SLC14A2: variants seen among roughly 807,000 people sequenced by gnomAD.
SLC14A2 encodes the protein solute carrier family 14 member 2, also known as urea transporter 2.
SLC14A2 carries 91 observed loss-of-function variants against 104.6 expected under a neutral mutation model. The observed-to-expected ratio is 0.87, with a 90% CI of 0.73 to 1.04. The LOEUF is 1.04. Ranked by LOEUF, SLC14A2 falls within the 50% of genes least tolerant of loss-of-function variation. The pLI, the probability that SLC14A2 is intolerant of heterozygous loss-of-function variation, is 0.00. For synonymous variants in SLC14A2, 476 were observed against 466.4 expected (o/e 1.02, Z -0.27); for missense variants, 1,189 against 1,156.0 (o/e 1.03, Z -0.41).
intron 2 of SLC14A2, among the ~76,000 whole-genome samples, chr18:45,512,778 G>A (rs1038846148): frequency 1.3e-5 from 2 of 152,192 alleles, no homozygotes; most frequent in Non-Finnish European, 2.9e-5. Context: ...ATCTGTCTTA[G>A]AGGATGAGAT....
chr18:45,404,094 A>G (rs1312915074), intron 1 of SLC14A2, among the ~76,000 whole-genome samples: 2 of 152,184 alleles, frequency 1.3e-5, no homozygotes, highest in Admixed American at 1.3e-4. Context: ...TTAAAACTCT[A>G]TTACCTCTTC....
chr18:45,681,562 C>T (rs2046309180), intron 19 of SLC14A2, among the ~76,000 whole-genome samples: 1 of 152,170 alleles, frequency 6.6e-6, no homozygotes, highest in Non-Finnish European at 1.5e-5. Context: ...AGAAAAAGAG[C>T]TGGAGATTGG....
chr18:45,503,639 T>C (rs540958639), intron 2 of SLC14A2, among the ~76,000 whole-genome samples: 1 of 152,306 alleles, frequency 6.6e-6, no homozygotes, highest in South Asian at 2.1e-4. Context: ...CTCCACGTAC[T>C]CTTTCTTGGC....
intron 10 of SLC14A2, among the ~76,000 whole-genome samples, chr18:45,658,903 C>A (rs933380320): frequency 1.7e-4 from 26 of 152,104 alleles, no homozygotes; most frequent in African/African-American, 6.0e-4. Flanking sequence ...CATAACTGTT[C>A]TTTCCTTCTC....
chr18:45,264,968 C>G (rs922601337), intron 1 of SLC14A2, among the ~76,000 whole-genome samples: 15 of 152,064 alleles, frequency 9.9e-5, no homozygotes, highest in Admixed American at 2.6e-4. Flanking sequence ...AGAGGGACAC[C>G]AGCAAAGTAG....
intron 1 of SLC14A2, among the ~76,000 whole-genome samples, chr18:45,427,930 C>T (rs1437574350): frequency 6.6e-6 from 1 of 152,200 alleles, no homozygotes; most frequent in Non-Finnish European, 1.5e-5. Flanking sequence ...ATTAAAATAA[C>T]TGCCCTGCCT....
chr18:45,550,934 C>T (rs2044047519), intron 2 of SLC14A2, among the ~76,000 whole-genome samples: 1 of 152,150 alleles, frequency 6.6e-6, no homozygotes, highest in African/African-American at 2.4e-5. Flanking sequence ...TGACTTATTC[C>T]TGCTGTAGTG....
At chr18:45,667,648 G>A (rs1468086709) in intron 13 of SLC14A2, among the ~76,000 whole-genome samples, 185 bp from the exon 14 acceptor site, 1 of 152,198 alleles carries the variant, frequency 6.6e-6, no homozygotes, top group Non-Finnish European at 1.5e-5. Context: ...GGTCTCAAGA[G>A]TTTTCTTGGC....
chr18:45,585,810 C>T (rs539576095), intron 2 of SLC14A2, among the ~76,000 whole-genome samples: 1 of 152,226 alleles, frequency 6.6e-6, no homozygotes, highest in Non-Finnish European at 1.5e-5. Context: ...CTCAGAGATG[C>T]TCTGATGGCC....
chr18:45,389,841 T>A (rs2543013), intron 1 of SLC14A2, among the ~76,000 whole-genome samples: 79,737 of 152,088 alleles, frequency 0.52, 25,362 homozygotes, highest in East Asian at 0.85. Flanking sequence ...AGTAAAAACG[T>A]TGACCCTGAA....
chr18:45,410,279 G>C (rs2086200566), intron 1 of SLC14A2, among the ~76,000 whole-genome samples: 1 of 152,214 alleles, frequency 6.6e-6, no homozygotes, highest in African/African-American at 2.4e-5. Context: ...ACCAGTACCA[G>C]TCTATGACCC....
At chr18:45,336,472 C>A (rs1436999600) in intron 1 of SLC14A2, among the ~76,000 whole-genome samples, 2 of 152,064 alleles carry the variant, frequency 1.3e-5, no homozygotes, top group Non-Finnish European at 2.9e-5. Context: ...TCCTAAGATG[C>A]TGATATTTAC....
At chr18:45,517,170 G>C (rs1598949886) in intron 2 of SLC14A2, among the ~76,000 whole-genome samples, 1 of 152,216 alleles carries the variant, frequency 6.6e-6, no homozygotes, top group Non-Finnish European at 1.5e-5. Flanking sequence ...TGGGCTTCAT[G>C]ATGAAGACAG....
At chr18:45,406,215 G>T (rs1009929641) in intron 1 of SLC14A2, among the ~76,000 whole-genome samples, 1 of 152,138 alleles carries the variant, frequency 6.6e-6, no homozygotes, top group African/African-American at 2.4e-5. Context: ...ATCCTTTACT[G>T]TCATTTCAAC....
chr18:45,550,598 C>T (rs1182654341), intron 2 of SLC14A2, among the ~76,000 whole-genome samples: 1 of 150,544 alleles, frequency 6.6e-6, no homozygotes, highest in Non-Finnish European at 1.5e-5. Flanking sequence ...TCACCATTAC[C>T]ACCTTCATTT....
At chr18:45,546,054 A>G (rs772235106) in intron 2 of SLC14A2, among the ~76,000 whole-genome samples, 11 of 152,194 alleles carry the variant, frequency 7.2e-5, no homozygotes, top group Admixed American at 2.6e-4. Context: ...GGAACTAAAG[A>G]CACTGCTGAC....
At chr18:45,373,538 G>C (rs1164590129) in intron 1 of SLC14A2, among the ~76,000 whole-genome samples, 1 of 152,082 alleles carries the variant, frequency 6.6e-6, no homozygotes, top group Non-Finnish European at 1.5e-5. Context: ...CCAACTTCAG[G>C]CTACTCTCAG....
chr18:45,539,640 G>C (rs1456736567), intron 2 of SLC14A2, among the ~76,000 whole-genome samples: 1 of 152,166 alleles, frequency 6.6e-6, no homozygotes, highest in Non-Finnish European at 1.5e-5. Context: ...AAATACGGCT[G>C]CCTCTTCCTG....
intron 1 of SLC14A2, among the ~76,000 whole-genome samples, chr18:45,218,851 C>T (rs1429135451): frequency 6.6e-6 from 1 of 151,644 alleles, no homozygotes; most frequent in African/African-American, 2.4e-5. Context: ...CCTTGCAGGT[C>T]CTCTTGGTCC....
Sources: gnomAD v4.1 joint callset for allele counts (sites outside exome capture counted in the v4.1 genomes callset) on GRCh38, gnomAD v4.1.1 for gene constraint, MANE v1.5 for transcripts, NCBI Gene and HGNC (gene_info 2026-07-23, HGNC 2026-07-21) for gene names.